NOL4: variants seen among roughly 807,000 people sequenced by gnomAD.
The protein encoded by NOL4 is cancer/testis antigen 125.
Under a neutral mutation model 75.9 loss-of-function variants are expected in NOL4, and 17 were observed. That is an observed-to-expected ratio of 0.22 (90% CI 0.15 to 0.34). NOL4 has a LOEUF of 0.34. Among genes scored for constraint, NOL4 ranks in the 10% least tolerant of loss-of-function variants. The pLI, the probability that NOL4 is intolerant of heterozygous loss-of-function variation, is 1.00. For missense variants in NOL4, 614 were observed against 793.5 expected (o/e 0.77, Z 2.72); for synonymous variants, 292 against 289.9 (o/e 1.01, Z -0.07).
At chr18:33,909,496 A>C (rs1260513050) in intron 9 of NOL4, among the ~76,000 whole-genome samples, 1 of 152,160 alleles carries the variant, frequency 6.6e-6, no homozygotes, top group African/African-American at 2.4e-5. Flanking sequence ...CTTCCCATGC[A>C]ATCACTTCTC....
chr18:34,039,650 C>T (rs1483706367), intron 5 of NOL4, among the ~76,000 whole-genome samples: 2 of 151,960 alleles, frequency 1.3e-5, no homozygotes, highest in East Asian at 3.8e-4. Context: ...ATTGTTAGTT[C>T]TTTTGTAGTA....
At chr18:34,195,631 A>G (rs1475212420) in intron 1 of NOL4, among the ~76,000 whole-genome samples, 2 of 152,076 alleles carry the variant, frequency 1.3e-5, no homozygotes, top group Non-Finnish European at 2.9e-5. Flanking sequence ...ACTTTTCAAA[A>G]AAAAAAAAAA....
intron 8 of NOL4, among the ~76,000 whole-genome samples, chr18:33,949,843 T>A (rs989964120): frequency 6.6e-6 from 1 of 152,078 alleles, no homozygotes; most frequent in South Asian, 2.1e-4. Context: ...AATTAATAAG[T>A]CTTCTAGTTG....
rs1188515864 is a variant in NOL4 at position 33,886,906 on chromosome 18, A to C, written c.1543-3482T>G. Among the ~76,000 whole-genome samples the C allele has an allele frequency of 2.3e-5, 3 of 131,090 alleles. No individual in the cohort carries two copies. The East Asian group carries it at 6.0e-4, about 26-fold the overall frequency. The allele number at this position is 131,090 out of a possible 152,430, so 86.0% of individuals were successfully genotyped here. On this transcript the variant is annotated intron_variant, in intron 9 of 10. Transcript: ENST00000261592. ...ATATATCTAGATATATTATATCTAG[A>C]TATATCTATATACATATATATCTAT...
At chr18:34,028,130 A>G (rs1422609266) in intron 5 of NOL4, among the ~76,000 whole-genome samples, 6 of 152,206 alleles carry the variant, frequency 3.9e-5, no homozygotes, top group African/African-American at 1.2e-4. Flanking sequence ...CTACTAATTA[A>G]TCAAGAGCTG....
At chr18:33,956,624 G>A (rs2069669469) in intron 8 of NOL4, among the ~76,000 whole-genome samples, 1 of 152,158 alleles carries the variant, frequency 6.6e-6, no homozygotes, top group African/African-American at 2.4e-5. Flanking sequence ...ATTTCTAGAT[G>A]TAACAATTAG....
chr18:34,172,386 T>G (rs138652221), intron 1 of NOL4, among the ~76,000 whole-genome samples: 1 of 152,096 alleles, frequency 6.6e-6, no homozygotes, highest in Non-Finnish European at 1.5e-5. Context: ...CATATGCATG[T>G]GTGTATATAC....
chr18:33,870,191 T>C (rs2063627131), intron 10 of NOL4, among the ~76,000 whole-genome samples: 1 of 152,006 alleles, frequency 6.6e-6, no homozygotes, highest in Non-Finnish European at 1.5e-5. Flanking sequence ...TTACTTCTAC[T>C]CACTTAGCAG....
intron 1 of NOL4, among the ~76,000 whole-genome samples, chr18:34,177,788 A>T (rs1476473064): frequency 6.6e-6 from 1 of 151,880 alleles, no homozygotes; most frequent in African/African-American, 2.4e-5. Flanking sequence ...AATAAGGATA[A>T]ATTAGTTCCC....
chr18:33,876,612 A>C (rs568210287), intron 10 of NOL4, among the ~76,000 whole-genome samples: 155 of 152,218 alleles, frequency 1.0e-3, no homozygotes, highest in African/African-American at 3.6e-3. Flanking sequence ...GAGCTCCAAA[A>C]CTGTTACAGG....
chr18:34,131,302 T>C (rs2080640118), intron 1 of NOL4, among the ~76,000 whole-genome samples: 1 of 152,172 alleles, frequency 6.6e-6, no homozygotes, highest in Non-Finnish European at 1.5e-5. Flanking sequence ...GTTAGTTTTT[T>C]GTTATTTATT....
At chr18:34,198,724 T>C (rs2035518065) in intron 1 of NOL4, among the ~76,000 whole-genome samples, 1 of 151,834 alleles carries the variant, frequency 6.6e-6, no homozygotes, top group South Asian at 2.1e-4. Flanking sequence ...TGTACTTTTT[T>C]AGTAAAGGGC....
chr18:34,099,214 T>A (rs1442602624), intron 4 of NOL4, among the ~76,000 whole-genome samples: 1 of 151,292 alleles, frequency 6.6e-6, no homozygotes, highest in African/African-American at 2.4e-5. Flanking sequence ...AATACAAAAA[T>A]TAGCCTGGCA....
At chr18:34,061,886 A>G (rs2077077750) in intron 5 of NOL4, among the ~76,000 whole-genome samples, 1 of 152,088 alleles carries the variant, frequency 6.6e-6, no homozygotes, top group South Asian at 2.1e-4. Context: ...GCAGTTAACA[A>G]TATTTATCAT....
chr18:34,142,089 A>G (rs557242090), intron 1 of NOL4, among the ~76,000 whole-genome samples: 205 of 152,328 alleles, frequency 1.3e-3, no homozygotes, highest in African/African-American at 4.6e-3. Flanking sequence ...AATGCTCATC[A>G]TCACTGGCCA....
chr18:34,020,065 C>A (rs1037039030), intron 5 of NOL4, among the ~76,000 whole-genome samples: 2 of 152,042 alleles, frequency 1.3e-5, no homozygotes, highest in African/African-American at 2.4e-5. Context: ...CTTCCAGAAG[C>A]CCTCACCAGG....
At chr18:34,222,829 G>A in intron 1 of NOL4, 161 bp downstream of exon 1, 1 of 880,858 alleles carries the variant, frequency 1.1e-6, no homozygotes, top group South Asian at 1.7e-5. Context: ...AACGCGCCTG[G>A]CTAATGCGAG....
At chr18:34,150,405 G>A (rs12959470) in intron 1 of NOL4, among the ~76,000 whole-genome samples, 76,178 of 151,382 alleles carry the variant, frequency 0.5, 19,245 homozygotes, top group Admixed American at 0.57. Context: ...GTATCAGTAG[G>A]ATAGAATAGA....
At chr18:34,164,295 T>C (rs974951740) in intron 1 of NOL4, among the ~76,000 whole-genome samples, 18 of 151,572 alleles carry the variant, frequency 1.2e-4, no homozygotes, top group Admixed American at 1.2e-3. Flanking sequence ...ACCATCAGAG[T>C]GAACAGGCAA....
Sources: gnomAD v4.1 joint callset for allele counts (sites outside exome capture counted in the v4.1 genomes callset) on GRCh38, gnomAD v4.1.1 for gene constraint, MANE v1.5 for transcripts, NCBI Gene and HGNC (gene_info 2026-07-23, HGNC 2026-07-21) for gene names.